The following DGKB variants were observed in gnomAD, a reference collection of about 807,000 sequenced individuals.
DGKB encodes the protein diacylglycerol kinase beta.
DGKB carries 67 observed loss-of-function variants against 114.3 expected under a neutral mutation model. The observed-to-expected ratio is 0.59, with a 90% CI of 0.48 to 0.72. DGKB has a LOEUF of 0.72. Ranked by LOEUF, DGKB falls within the 30% of genes least tolerant of loss-of-function variation. The pLI, the probability that DGKB is intolerant of heterozygous loss-of-function variation, is 0.00. For synonymous variants in DGKB, 398 were observed against 323.1 expected (o/e 1.23, Z -2.49); for missense variants, 907 against 975.2 (o/e 0.93, Z 0.93).
At chr7:14,470,804 A>G in intron 21 of DGKB, among the ~76,000 whole-genome samples, 1 of 151,796 alleles carries the variant, frequency 6.6e-6, no homozygotes, top group South Asian at 2.1e-4. Context: ...CAGAAGATCA[A>G]GAAAATTATA....
chr7:14,226,416 GATT>G (rs1390622037), intron 23 of DGKB, among the ~76,000 whole-genome samples: 2 of 151,958 alleles, frequency 1.3e-5, no homozygotes, highest in Non-Finnish European at 2.9e-5. Context: ...AAGGCGTGTA[GATT>G]ATTTAGGTTT....
chr7:14,655,419 T>C (rs1398373395), intron 13 of DGKB, among the ~76,000 whole-genome samples: 1 of 151,674 alleles, frequency 6.6e-6, no homozygotes, highest in Non-Finnish European at 1.5e-5. Context: ...GAAAAGGGAA[T>C]TCATACATTG....
intron 21 of DGKB, among the ~76,000 whole-genome samples, chr7:14,397,295 G>A (rs1822372896): frequency 6.6e-6 from 1 of 152,136 alleles, no homozygotes; most frequent in Non-Finnish European, 1.5e-5. Context: ...ACCTGTGGGA[G>A]TTTGCCGTTC....
Position 14,149,248 on chromosome 7 carries a change from AAGAGAGAG to A in DGKB, c.2305-18_2305-11del, listed in dbSNP as rs145349934. ...TGTGTGTAATTTTTATCTAGAAAAAAAGAGAGAGAGAGAGAGAGAAAGAATAGAGTAAT... is the reference window on the plus strand; with the variant it reads ...TGTGTGTAATTTTTATCTAGAAAAAAAGAGAGAGAGAAAGAATAGAGTAAT... On this transcript the variant is annotated splice_polypyrimidine_tract_variant and intron_variant, in intron 25 of 25. Transcript: ENST00000402815. 6.8e-4 allele frequency: 1,041 copies of A among 1,535,848 alleles called. 9 individuals are homozygous for A. In the African/African-American group the frequency reaches 0.013, roughly 19 times the overall value.
chr7:14,569,967 G>C (rs187117647), intron 20 of DGKB, among the ~76,000 whole-genome samples: 36 of 151,426 alleles, frequency 2.4e-4, no homozygotes, highest in African/African-American at 8.2e-4. Context: ...TTTCTGGAAA[G>C]TCATTGATTA....
chr7:14,290,519 T>C (rs1444465811), intron 23 of DGKB, among the ~76,000 whole-genome samples: 1 of 152,154 alleles, frequency 6.6e-6, no homozygotes, highest in Non-Finnish European at 1.5e-5. Flanking sequence ...GAGTTGTCAA[T>C]TGGCTTCATC....
At chr7:14,495,585 C>A (rs957011675) in intron 20 of DGKB, among the ~76,000 whole-genome samples, 1 of 151,640 alleles carries the variant, frequency 6.6e-6, no homozygotes, top group Non-Finnish European at 1.5e-5. Context: ...GATAATGAAA[C>A]CCTTCATTTA....
chr7:14,279,175 G>T (rs1799489209), intron 23 of DGKB, among the ~76,000 whole-genome samples: 1 of 152,162 alleles, frequency 6.6e-6, no homozygotes, highest in South Asian at 2.1e-4. Context: ...TTTTCCGATG[G>T]GCTTAAAAAA....
At chr7:14,387,059 A>G (rs1388744438) in intron 21 of DGKB, among the ~76,000 whole-genome samples, 1 of 151,950 alleles carries the variant, frequency 6.6e-6, no homozygotes, top group Non-Finnish European at 1.5e-5. Context: ...AAAAATATAT[A>G]TGAGGCTCAT....
At chr7:14,341,965 T>C (rs2128583939) in intron 22 of DGKB, among the ~76,000 whole-genome samples, 1 of 151,992 alleles carries the variant, frequency 6.6e-6, no homozygotes, top group South Asian at 2.1e-4. Context: ...ATTATTTCTA[T>C]TTTTACTCAA....
intron 2 of DGKB, among the ~76,000 whole-genome samples, chr7:14,782,498 T>C (rs1054758261): frequency 6.6e-6 from 1 of 152,182 alleles, no homozygotes; most frequent in Non-Finnish European, 1.5e-5. Flanking sequence ...GCCTACTCTG[T>C]CCTTTGCTCT....
At chr7:14,745,804 G>T (rs370506519) in intron 4 of DGKB, among the ~76,000 whole-genome samples, 1 of 137,042 alleles carries the variant, frequency 7.3e-6, no homozygotes, top group Non-Finnish European at 1.6e-5. Flanking sequence ...TCAATGTGTC[G>T]CATGCTTAAT....
intron 6 of DGKB, among the ~76,000 whole-genome samples, chr7:14,709,908 T>A (rs1827048578): frequency 6.7e-6 from 1 of 149,042 alleles, no homozygotes; most frequent in Non-Finnish European, 1.5e-5. Context: ...ATGGCACATG[T>A]ATACATATGT....
chr7:14,950,481 T>C (rs1786127708), intron 1 of DGKB, among the ~76,000 whole-genome samples: 1 of 151,922 alleles, frequency 6.6e-6, no homozygotes, highest in Non-Finnish European at 1.5e-5. Flanking sequence ...CTTTTTTATT[T>C]ATAATGATCA....
intron 17 of DGKB, among the ~76,000 whole-genome samples, chr7:14,603,962 C>T (rs1804019924): frequency 6.6e-6 from 1 of 152,032 alleles, no homozygotes; most frequent in Admixed American, 6.6e-5. Context: ...GTCACATTAA[C>T]ATGTGAAGTT....
intron 1 of DGKB, among the ~76,000 whole-genome samples, chr7:14,929,106 C>T (rs1587400563): frequency 6.6e-6 from 1 of 151,262 alleles, no homozygotes; most frequent in East Asian, 1.9e-4. Context: ...TGTGTATATA[C>T]ATCACATTTC....
At chr7:14,177,206 C>G (rs1305440422) in intron 24 of DGKB, among the ~76,000 whole-genome samples, 1 of 151,992 alleles carries the variant, frequency 6.6e-6, no homozygotes, top group East Asian at 1.9e-4. Flanking sequence ...AAAAGAGATT[C>G]CTTGTTTTTA....
At chr7:14,718,715 TAATTATTTACAGTGATC>T in intron 5 of DGKB, 30 bp from the exon 6 acceptor site, 5 of 1,547,668 alleles carry the variant, frequency 3.2e-6, no homozygotes, top group Non-Finnish European at 4.4e-6. Context: ...TATATTTTGT[TAATTATTTACAGTGATC>T]TCAAACAGAA....
At chr7:14,875,384 T>C (rs1853121151) in intron 1 of DGKB, among the ~76,000 whole-genome samples, 1 of 152,148 alleles carries the variant, frequency 6.6e-6, no homozygotes, top group African/African-American at 2.4e-5. Context: ...ACTTTAATCA[T>C]TCACTTTTCA....
Sources: gnomAD v4.1 joint callset for allele counts (sites outside exome capture counted in the v4.1 genomes callset) on GRCh38, gnomAD v4.1.1 for gene constraint, MANE v1.5 for transcripts, NCBI Gene and HGNC (gene_info 2026-07-23, HGNC 2026-07-21) for gene names.